The following FARS2 variants were observed in gnomAD, a reference collection of about 807,000 sequenced individuals.
The protein encoded by FARS2 is phenylalanine--tRNA ligase, mitochondrial.
FARS2 carries 40 observed loss-of-function variants against 46.4 expected under a neutral mutation model. The ratio of observed to expected loss-of-function variants is 0.86; its 90% CI spans 0.67 to 1.12. The LOEUF (loss-of-function observed/expected upper bound fraction) is 1.12, where lower values mean the gene tolerates loss of function less well. Among genes scored for constraint, FARS2 ranks in the 50% most tolerant of loss-of-function variants. The probability of loss-of-function intolerance (pLI) is 0.00; values close to 1 mark genes in which losing one functional copy is unlikely to be tolerated. For missense variants in FARS2, 513 were observed against 567.9 expected, an observed-to-expected ratio of 0.90 and a Z score of 0.98; for synonymous variants, 234 against 214.9, an observed-to-expected ratio of 1.09 and a Z score of -0.78.
intron 4 of FARS2, among the ~76,000 whole-genome samples, chr6:5,491,274 T>A (rs1767091647): frequency 6.6e-6 from 1 of 152,188 alleles, no homozygotes; most frequent in South Asian, 2.1e-4. Context: ...AAAAATTGAG[T>A]CATTTTTATG....
At chr6:5,449,989 C>A (rs546575679) in intron 4 of FARS2, among the ~76,000 whole-genome samples, 36 of 152,208 alleles carry the variant, frequency 2.4e-4, no homozygotes, top group Non-Finnish European at 3.8e-4. Context: ...CCTGAGGAAC[C>A]TGTGTGTATG....
At chr6:5,387,777 G>A (rs1760230475) in intron 2 of FARS2, among the ~76,000 whole-genome samples, 1 of 152,158 alleles carries the variant, frequency 6.6e-6, no homozygotes, top group South Asian at 2.1e-4. Flanking sequence ...TACAAATCAT[G>A]GTTGCTTGTC....
intron 5 of FARS2, among the ~76,000 whole-genome samples, chr6:5,571,466 G>C (rs1035060612): frequency 1.3e-5 from 2 of 152,160 alleles, no homozygotes; most frequent in African/African-American, 4.8e-5. Context: ...CTGAAGCATG[G>C]GAGGTTGAAA....
chr6:5,548,710 A>T (rs1177107825), intron 5 of FARS2, among the ~76,000 whole-genome samples: 1 of 152,198 alleles, frequency 6.6e-6, no homozygotes, highest in African/African-American at 2.4e-5. Context: ...ACTTACAACA[A>T]TCTTTTTTTA....
At chr6:5,603,546 G>A (rs1482529276) in intron 5 of FARS2, among the ~76,000 whole-genome samples, 1 of 152,200 alleles carries the variant, frequency 6.6e-6, no homozygotes, top group Non-Finnish European at 1.5e-5. Context: ...TGGCAGGGTT[G>A]ATTCCTTCTG....
chr6:5,491,813 C>G (rs1767130611), intron 4 of FARS2, among the ~76,000 whole-genome samples: 1 of 152,196 alleles, frequency 6.6e-6, no homozygotes, highest in South Asian at 2.1e-4. Flanking sequence ...TGTGACACCT[C>G]ACATGTAAGT....
At chr6:5,546,854 T>C (rs1011295485) in intron 5 of FARS2, among the ~76,000 whole-genome samples, 2 of 152,086 alleles carry the variant, frequency 1.3e-5, no homozygotes, top group African/African-American at 2.4e-5. Flanking sequence ...AGAGTTTTCA[T>C]TTATCTACTG....
rs189168256 is a variant in FARS2, at chr6:5,771,324, G to A, written c.1251G>A (p.Thr417=). ...THKTSHCYRI[T]YRHMERTLSQ... is the part of the protein sequence containing the mutation. ...AGACCAGCCACTGCTACCGCATCAC[G>A]TACCGCCACATGGAACGGACTCTGT... The change falls in exon 7 of 7, where the codon ACG becomes ACA. Residue 417 remains threonine (T), a synonymous_variant. Coordinates refer to ENST00000274680, the MANE Select transcript of FARS2 (RefSeq NM_006567.5). The A allele has an allele frequency of 9.9e-6, 16 of 1,614,126 alleles. No individual in the cohort carries two copies. Among genetic ancestry groups the A allele is most frequent in the East Asian group, 2.2e-5 (1 of 44,872 alleles).
At chr6:5,457,104 T>A (rs1033628199) in intron 4 of FARS2, 1 of 152,462 alleles carries the variant, frequency 6.6e-6, no homozygotes, top group Non-Finnish European at 1.5e-5. Context: ...TTCCCCTACA[T>A]ATGTCCACGT....
chr6:5,674,791 C>T, intron 6 of FARS2, among the ~76,000 whole-genome samples: 1 of 152,056 alleles, frequency 6.6e-6, no homozygotes, highest in East Asian at 1.9e-4. Flanking sequence ...TGCCAGTTAC[C>T]AACATTATAA....
intron 5 of FARS2, among the ~76,000 whole-genome samples, chr6:5,587,616 A>C (rs1773688447): frequency 6.6e-6 from 1 of 152,206 alleles, no homozygotes; most frequent in Non-Finnish European, 1.5e-5. Context: ...GAAGATTCAC[A>C]CAGCCCATTA....
At chr6:5,444,107 G>GTA (rs1763996373) in intron 4 of FARS2, among the ~76,000 whole-genome samples, 1 of 151,258 alleles carries the variant, frequency 6.6e-6, no homozygotes, top group African/African-American at 2.4e-5. Flanking sequence ...GTGTGTGTGT[G>GTA]TGTGTGTGTG....
intron 1 of FARS2, among the ~76,000 whole-genome samples, chr6:5,289,909 C>A (rs927593552): frequency 6.6e-6 from 1 of 152,318 alleles, no homozygotes; most frequent in East Asian, 1.9e-4. Flanking sequence ...TCCCTGCCTC[C>A]AAACCCTATT....
intron 2 of FARS2, among the ~76,000 whole-genome samples, chr6:5,380,938 C>G (rs1759719923): frequency 6.6e-6 from 1 of 151,586 alleles, no homozygotes. Flanking sequence ...TTTATATAAT[C>G]TTATATAAGA....
chr6:5,443,408 C>G (rs1763952905), intron 4 of FARS2, among the ~76,000 whole-genome samples: 1 of 152,262 alleles, frequency 6.6e-6, no homozygotes, highest in South Asian at 2.1e-4. Context: ...CTTTGAAGCA[C>G]TGTCTGCTAT....
At chr6:5,308,236 A>G (rs942791648) in intron 1 of FARS2, among the ~76,000 whole-genome samples, 9 of 152,152 alleles carry the variant, frequency 5.9e-5, no homozygotes, top group African/African-American at 2.2e-4. Flanking sequence ...TACAAGGAAG[A>G]CCTAGGTGAA....
At chr6:5,444,387 A>C (rs1022686341) in intron 4 of FARS2, among the ~76,000 whole-genome samples, 1 of 147,818 alleles carries the variant, frequency 6.8e-6, no homozygotes, top group African/African-American at 2.5e-5. Flanking sequence ...GAATCGCTTG[A>C]ATCCGGGAGG....
chr6:5,385,397 G>T (rs771697054), intron 2 of FARS2, among the ~76,000 whole-genome samples: 3 of 151,442 alleles, frequency 2.0e-5, no homozygotes, highest in Non-Finnish European at 2.9e-5. Context: ...GGAGATGAAG[G>T]CTTGGGAGTT....
intron 1 of FARS2, among the ~76,000 whole-genome samples, chr6:5,362,931 T>C (rs1370798085): frequency 1.1e-4 from 16 of 139,214 alleles, no homozygotes; most frequent in South Asian, 4.4e-4. Context: ...TTCTTTCTTT[T>C]TTTTTTTTTT....
Sources: allele counts gnomAD v4.1 joint callset (sites outside exome capture counted in the v4.1 genomes callset), GRCh38; gene constraint gnomAD v4.1.1; transcripts MANE v1.5; gene names NCBI Gene and HGNC (gene_info 2026-07-23, HGNC 2026-07-21).